DPP6: variants seen among roughly 807,000 people sequenced by gnomAD.
The protein encoded by DPP6 is A-type potassium channel modulatory protein DPP6.
DPP6 carries 69 observed loss-of-function variants against 122.6 expected under a neutral mutation model. The observed-to-expected ratio is 0.56, with a 90% CI of 0.46 to 0.69. The LOEUF (loss-of-function observed/expected upper bound fraction) is 0.69, where lower values mean the gene tolerates loss of function less well. Among genes scored for constraint, DPP6 ranks in the 30% least tolerant of loss-of-function variants. DPP6 has a pLI of 0.00. For synonymous variants in DPP6, 418 were observed against 433.1 expected, an observed-to-expected ratio of 0.97 and a Z score of 0.43; for missense variants, 928 against 1,116.9, an observed-to-expected ratio of 0.83 and a Z score of 2.41.
Position 154,639,653 on chromosome 7 carries a change from A to C in DPP6, c.680+1780A>C, listed in dbSNP as rs374192908. Among the ~76,000 whole-genome samples the C allele has an allele frequency of 1.2e-4, 18 of 152,338 alleles. No individual in the cohort carries two copies. In the East Asian group the frequency reaches 3.3e-3, roughly 28 times the overall value. On this transcript the variant is annotated intron_variant, in intron 6 of 25. Coordinates refer to ENST00000377770, the MANE Select transcript of DPP6 (RefSeq NM_130797.4). ...TTTGCTGAACAAGCTAGCAAAGCTC[A>C]GGCCATGATAGTCTGTGTTGAAGGC... is the stretch of plus-strand genomic sequence containing the variant.
chr7:154,132,354 A>T (rs1020062870), intron 1 of DPP6, among the ~76,000 whole-genome samples: 2 of 152,184 alleles, frequency 1.3e-5, no homozygotes, highest in Admixed American at 1.3e-4. Flanking sequence ...CCTAAGACCC[A>T]ATATGCAATT....
intron 5 of DPP6, among the ~76,000 whole-genome samples, chr7:154,612,248 C>A (rs184787490): frequency 6.6e-6 from 1 of 152,274 alleles, no homozygotes; most frequent in East Asian, 1.9e-4. Context: ...GACTAAGACA[C>A]CACCATAGTC....
At position 154,318,299 on chromosome 7, in the gene DPP6, C is replaced by T. The variant is rs1234604936; in HGVS notation, c.244-127915C>T. Among the ~76,000 whole-genome samples the T allele has an allele frequency of 5.3e-5, 8 of 152,096 alleles. No individual in the cohort carries two copies. In the East Asian group the frequency reaches 1.3e-3, roughly 26 times the overall value. ...TGACATAGGACTCAATATTCGTCTC[C>T]CTCGTTCTCACTCTTTGTATGCTTA... is the stretch of plus-strand genomic sequence containing the variant. On this transcript the variant is annotated intron_variant, in intron 1 of 25. Transcript: ENST00000377770.
chr7:154,705,613 G>A (rs1245681392), intron 7 of DPP6, among the ~76,000 whole-genome samples: 3 of 152,194 alleles, frequency 2.0e-5, no homozygotes, highest in Non-Finnish European at 2.9e-5. Context: ...GGCTGGGGTG[G>A]CAGGGATGGA....
At chr7:154,479,984 A>G (rs1320889033) in intron 3 of DPP6, among the ~76,000 whole-genome samples, 2 of 151,770 alleles carry the variant, frequency 1.3e-5, no homozygotes, top group African/African-American at 4.8e-5. Context: ...TGGCCTCAAC[A>G]CTGCCGCTGG....
chr7:154,354,587 C>T (rs1811124298), intron 1 of DPP6, among the ~76,000 whole-genome samples: 1 of 152,188 alleles, frequency 6.6e-6, no homozygotes, highest in Non-Finnish European at 1.5e-5. Context: ...ACTATTTTGA[C>T]ACCTTCACCA....
At chr7:154,853,690 C>T (rs1383245790) in intron 16 of DPP6, 90 bp from the exon 17 acceptor site, 31 of 1,541,068 alleles carry the variant, frequency 2.0e-5, no homozygotes, top group East Asian at 4.6e-5. Context: ...CGTCTATCTA[C>T]GTGGCATAAG....
At chr7:154,421,255 A>G (rs1817447355) in intron 1 of DPP6, among the ~76,000 whole-genome samples, 1 of 152,022 alleles carries the variant, frequency 6.6e-6, no homozygotes, top group African/African-American at 2.4e-5. Context: ...TGTGACTGCC[A>G]TACTGTCTTT....
At chr7:154,297,129 A>AT (rs11408704) in intron 1 of DPP6, among the ~76,000 whole-genome samples, 24,848 of 144,076 alleles carry the variant, frequency 0.17, 2,946 homozygotes, top group African/African-American at 0.33. Flanking sequence ...ATATCAGAAG[A>AT]TTTTTTTTTT....
At chr7:154,757,223 T>C (rs1795187727) in intron 8 of DPP6, among the ~76,000 whole-genome samples, 1 of 151,626 alleles carries the variant, frequency 6.6e-6, no homozygotes, top group Non-Finnish European at 1.5e-5. Flanking sequence ...CCCTTCTCCA[T>C]CCCTCACATC....
intron 7 of DPP6, among the ~76,000 whole-genome samples, chr7:154,705,194 T>A (rs1354546959): frequency 3.3e-5 from 5 of 152,118 alleles, no homozygotes; most frequent in African/African-American, 1.2e-4. Context: ...TTTGTCAGGA[T>A]TTTTTAGTGA....
chr7:154,067,830 G>A (rs896934410), intron 1 of DPP6, among the ~76,000 whole-genome samples: 2 of 151,862 alleles, frequency 1.3e-5, no homozygotes, highest in Non-Finnish European at 2.9e-5. Context: ...CTGCAACCTC[G>A]AACTCCTGGG....
At chr7:154,121,910 A>G (rs529172232) in intron 1 of DPP6, among the ~76,000 whole-genome samples, 102 of 152,312 alleles carry the variant, frequency 6.7e-4, no homozygotes, top group Non-Finnish European at 1.1e-3. Context: ...ACTATAATAT[A>G]TATTATTTTA....
At chr7:154,247,945 C>T (rs537346537) in intron 1 of DPP6, among the ~76,000 whole-genome samples, 2 of 152,230 alleles carry the variant, frequency 1.3e-5, no homozygotes, top group East Asian at 3.9e-4. Flanking sequence ...TAACAAAGTG[C>T]CATAGACTGG....
chr7:154,465,334 G>T (rs1821688557), intron 2 of DPP6, among the ~76,000 whole-genome samples: 1 of 152,148 alleles, frequency 6.6e-6, no homozygotes, highest in Non-Finnish European at 1.5e-5. Flanking sequence ...AAACAGAAAT[G>T]CAACAAAAGC....
chr7:154,581,448 A>T (rs11769541), intron 5 of DPP6, among the ~76,000 whole-genome samples: 1 of 152,092 alleles, frequency 6.6e-6, no homozygotes. Flanking sequence ...CCCTGATGCA[A>T]CTGTGACTGC....
At chr7:154,838,908 T>G (rs1187700685) in intron 16 of DPP6, 1 of 152,128 alleles carries the variant, frequency 6.6e-6, no homozygotes, top group Non-Finnish European at 1.5e-5. Context: ...CAGACCAGTT[T>G]TCATCGTGAA....
At chr7:154,448,157 A>G (rs1820047056) in intron 2 of DPP6, among the ~76,000 whole-genome samples, 1 of 152,228 alleles carries the variant, frequency 6.6e-6, no homozygotes, top group African/African-American at 2.4e-5. Flanking sequence ...TTCATAGAAG[A>G]CATAATGTTG....
chr7:154,368,729 C>G (rs970250049), intron 1 of DPP6, among the ~76,000 whole-genome samples: 1 of 152,084 alleles, frequency 6.6e-6, no homozygotes, highest in Admixed American at 6.5e-5. Context: ...AGTTGTTGAC[C>G]AAAGATTCAT....
Sources: allele counts gnomAD v4.1 joint callset (sites outside exome capture counted in the v4.1 genomes callset), GRCh38; gene constraint gnomAD v4.1.1; transcripts MANE v1.5; gene names NCBI Gene and HGNC (gene_info 2026-07-23, HGNC 2026-07-21).